MAML2: variants seen among roughly 807,000 people sequenced by gnomAD.
The protein encoded by MAML2 is mastermind like transcriptional coactivator 2, also known as mastermind-like protein 2.
Under a neutral mutation model 96.1 loss-of-function variants are expected in MAML2, and 22 were observed. That is an observed-to-expected ratio of 0.23 (90% confidence interval 0.16 to 0.33). The LOEUF (loss-of-function observed/expected upper bound fraction) is 0.33. Among genes scored for constraint, MAML2 ranks in the 10% least tolerant of loss-of-function variants. The pLI, the probability that MAML2 is intolerant of heterozygous loss-of-function variation, is 1.00. For missense variants in MAML2, 1,367 were observed against 1,392.4 expected (o/e 0.98, Z 0.29); for synonymous variants, 561 against 521.3 (o/e 1.08, Z -1.04).
At chr11:96,233,412 T>C (rs912076354) in intron 1 of MAML2, among the ~76,000 whole-genome samples, 1 of 152,122 alleles carries the variant, frequency 6.6e-6, no homozygotes, top group South Asian at 2.1e-4. Flanking sequence ...TTTTTTTTTT[T>C]TTCTTAATTT....
In MAML2 at chr11:96,210,331, A is replaced by C. The variant is rs1015439652; in HGVS notation, c.514-116814T>G. Among the ~76,000 whole-genome samples the C allele has an allele frequency of 4.6e-5, 7 of 152,096 alleles. No individual in the cohort carries two copies. The South Asian group carries it at 6.2e-4, about 14-fold the overall frequency. ...ACCATGTTGGCCAGGCTGGTCTGGA[A>C]CTCCTGACCTCAGGTGATCTGCCCA... On this transcript the variant is annotated intron_variant, in intron 1 of 4. Coordinates refer to ENST00000524717, the MANE Select transcript of MAML2 (RefSeq NM_032427.4).
chr11:96,150,765 T>C (rs761260733), intron 1 of MAML2, among the ~76,000 whole-genome samples: 2 of 152,180 alleles, frequency 1.3e-5, no homozygotes, highest in Non-Finnish European at 2.9e-5. Flanking sequence ...AGTTCAGACC[T>C]GCTTTACCCT....
chr11:96,183,910 ACC>A (rs1861531712), intron 1 of MAML2, among the ~76,000 whole-genome samples: 1 of 152,196 alleles, frequency 6.6e-6, no homozygotes, highest in Non-Finnish European at 1.5e-5. Flanking sequence ...AAATGAGCAT[ACC>A]CAGTACATTT....
At chr11:96,047,922 A>G (rs1266208916) in intron 2 of MAML2, among the ~76,000 whole-genome samples, 2 of 150,714 alleles carry the variant, frequency 1.3e-5, no homozygotes. Flanking sequence ...AAAAAAAAAA[A>G]AAAAAAAAAA....
chr11:96,007,976 T>C (rs560818031), intron 2 of MAML2, among the ~76,000 whole-genome samples: 1 of 150,390 alleles, frequency 6.6e-6, no homozygotes, highest in Non-Finnish European at 1.5e-5. Context: ...TGTATACATA[T>C]GTAACTAACC....
At chr11:96,121,498 A>T in intron 1 of MAML2, among the ~76,000 whole-genome samples, 1 of 151,832 alleles carries the variant, frequency 6.6e-6, no homozygotes, top group African/African-American at 2.4e-5. Context: ...GTGTCAATAA[A>T]CCCTCAATAA....
intron 1 of MAML2, among the ~76,000 whole-genome samples, chr11:96,238,563 G>A (rs1382344873): frequency 6.6e-6 from 1 of 152,194 alleles, no homozygotes; most frequent in African/African-American, 2.4e-5. Flanking sequence ...TTTAGGTTTA[G>A]CTCCTGGATC....
chr11:96,272,425 A>G (rs1375366119), intron 1 of MAML2, among the ~76,000 whole-genome samples: 1 of 152,198 alleles, frequency 6.6e-6, no homozygotes, highest in African/African-American at 2.4e-5. Flanking sequence ...TCAGGGTCAA[A>G]TTTTTCAGAC....
intron 1 of MAML2, among the ~76,000 whole-genome samples, chr11:96,103,310 C>T (rs1395046287): frequency 6.6e-6 from 1 of 152,138 alleles, no homozygotes; most frequent in Admixed American, 6.6e-5. Context: ...ACTTATCAGG[C>T]ACCTAGTGGC....
At chr11:96,136,919 G>A (rs527925067) in intron 1 of MAML2, among the ~76,000 whole-genome samples, 5 of 152,216 alleles carry the variant, frequency 3.3e-5, no homozygotes, top group South Asian at 2.1e-4. Flanking sequence ...ATCTTTGAGG[G>A]GTTATAATTT....
intron 1 of MAML2, among the ~76,000 whole-genome samples, chr11:96,177,709 T>G (rs941928081): frequency 1.3e-5 from 2 of 152,146 alleles, no homozygotes; most frequent in Non-Finnish European, 2.9e-5. Flanking sequence ...TGTCCTGAAA[T>G]TATTAGCAAC....
At chr11:96,246,803 G>A (rs1356685032) in intron 1 of MAML2, among the ~76,000 whole-genome samples, 1 of 152,098 alleles carries the variant, frequency 6.6e-6, no homozygotes, top group African/African-American at 2.4e-5. Flanking sequence ...GTTTGAGGTT[G>A]GCTCTGAGGA....
At chr11:96,312,695 C>T (rs1436168245) in intron 1 of MAML2, among the ~76,000 whole-genome samples, 2 of 152,132 alleles carry the variant, frequency 1.3e-5, no homozygotes, top group Non-Finnish European at 2.9e-5. Context: ...ATAAAATTTA[C>T]CATTTTAATC....
At chr11:96,084,181 A>G (rs1859571396) in intron 2 of MAML2, among the ~76,000 whole-genome samples, 1 of 152,134 alleles carries the variant, frequency 6.6e-6, no homozygotes, top group South Asian at 2.1e-4. Flanking sequence ...GGGAAGAGAA[A>G]GGCTGGGAAT....
At chr11:96,272,621 CAT>C (rs959343223) in intron 1 of MAML2, among the ~76,000 whole-genome samples, 4 of 152,250 alleles carry the variant, frequency 2.6e-5, no homozygotes, top group Non-Finnish European at 5.9e-5. Flanking sequence ...AGGCTGGAAA[CAT>C]AAGGAAGTTC....
At chr11:96,016,262 TG>T (rs907374320) in intron 2 of MAML2, among the ~76,000 whole-genome samples, 1 of 1,512 alleles carries the variant, frequency 6.6e-4, no homozygotes, top group Middle Eastern at 0.17. Flanking sequence ...TACGTGTACA[TG>T]GGGGGAGGGT....
At chr11:96,236,182 C>T (rs1442600855) in intron 1 of MAML2, among the ~76,000 whole-genome samples, 2 of 152,328 alleles carry the variant, frequency 1.3e-5, no homozygotes, top group Admixed American at 6.5e-5. Flanking sequence ...TGCAGCATTA[C>T]ACAACTTCTT....
At chr11:95,983,963 T>C (rs1171565091) in intron 4 of MAML2, among the ~76,000 whole-genome samples, 3 of 152,198 alleles carry the variant, frequency 2.0e-5, no homozygotes, top group Non-Finnish European at 4.4e-5. Flanking sequence ...TAGTGTACAG[T>C]GATGTCCTAG....
chr11:95,995,991 G>C (rs1386707889), intron 2 of MAML2, among the ~76,000 whole-genome samples: 1 of 152,080 alleles, frequency 6.6e-6, no homozygotes, highest in Non-Finnish European at 1.5e-5. Flanking sequence ...TTAAAACCCA[G>C]ATCATGGCAT....
Sources: gnomAD v4.1 joint callset for allele counts (sites outside exome capture counted in the v4.1 genomes callset) on GRCh38, gnomAD v4.1.1 for gene constraint, MANE v1.5 for transcripts, NCBI Gene and HGNC (gene_info 2026-07-23, HGNC 2026-07-21) for gene names.